Variants in CDYL observed in about 807,000 individuals in gnomAD.
CDYL encodes the protein chromodomain Y-like protein.
A neutral mutation model predicts 47.3 loss-of-function variants in CDYL; 8 were observed. The ratio of observed to expected loss-of-function variants is 0.17; its 90% CI spans 0.10 to 0.31. The LOEUF (loss-of-function observed/expected upper bound fraction) is 0.31, where lower values mean the gene tolerates loss of function less well. Ranked by LOEUF, CDYL falls within the 10% of genes least tolerant of loss-of-function variation. The pLI is 1.00. For synonymous variants in CDYL, 266 were observed against 265.0 expected (o/e 1.00, Z -0.04); for missense variants, 471 against 701.4 (o/e 0.67, Z 3.71).
intron 1 of CDYL, among the ~76,000 whole-genome samples, chr6:4,804,596 C>T (rs1759318226): frequency 6.6e-6 from 1 of 152,182 alleles, no homozygotes; most frequent in Non-Finnish European, 1.5e-5. Context: ...GCTCATCACT[C>T]TCGCCCCACT....
At chr6:4,775,337 C>T (rs1186947955), upstream of CDYL, 1 of 152,444 alleles carries the variant, frequency 6.6e-6, no homozygotes, top group Non-Finnish European at 1.5e-5. This position sits in a 1 kb window ranked among gnomAD's most constrained non-coding sequence, Gnocchi z 7.0. Flanking sequence ...CTTCTTTCGC[C>T]ACCGATGGGG....
intron 2 of CDYL, among the ~76,000 whole-genome samples, chr6:4,728,107 C>A (rs140072569): frequency 5.3e-5 from 8 of 152,318 alleles, no homozygotes; most frequent in African/African-American, 1.9e-4. Context: ...TTTAAGGACT[C>A]TTTCTTCAAC....
intron 1 of CDYL, among the ~76,000 whole-genome samples, chr6:4,824,303 G>GT (rs1759920809): frequency 6.6e-6 from 1 of 152,142 alleles, no homozygotes; most frequent in Non-Finnish European, 1.5e-5. Context: ...GTAATTCGAT[G>GT]TTTAACTTTT....
chr6:4,720,938 C>T (rs1757357692), intron 2 of CDYL, among the ~76,000 whole-genome samples: 1 of 152,110 alleles, frequency 6.6e-6, no homozygotes, highest in Non-Finnish European at 1.5e-5. Context: ...GAACTCTATT[C>T]CAACTATTAC....
chr6:4,936,557 C>T (rs1758198539), intron 3 of CDYL, among the ~76,000 whole-genome samples: 1 of 152,032 alleles, frequency 6.6e-6, no homozygotes, highest in Admixed American at 6.6e-5. Flanking sequence ...CTGCAGAGTC[C>T]CTTCATTGAT....
chr6:4,708,990 G>A (rs1757097163), intron 1 of CDYL, among the ~76,000 whole-genome samples: 1 of 152,108 alleles, frequency 6.6e-6, no homozygotes, highest in South Asian at 2.1e-4. Flanking sequence ...CTGGGTGACA[G>A]AGTGGGACCC....
intron 3 of CDYL, among the ~76,000 whole-genome samples, chr6:4,744,627 G>A (rs1757856206): frequency 6.6e-6 from 1 of 152,212 alleles, no homozygotes. Flanking sequence ...GCCAGGCAGT[G>A]TACTAAATTC....
At chr6:4,764,856 C>T (rs551709759) in intron 3 of CDYL, among the ~76,000 whole-genome samples, 3 of 145,046 alleles carry the variant, frequency 2.1e-5, no homozygotes, top group Non-Finnish European at 4.5e-5. Context: ...AAATTAAACA[C>T]ACACACATAT....
At chr6:4,723,043 T>C (rs1329108372) in intron 2 of CDYL, among the ~76,000 whole-genome samples, 2 of 152,154 alleles carry the variant, frequency 1.3e-5, no homozygotes, top group African/African-American at 2.4e-5. Context: ...GTGTATAAAG[T>C]ACAGGCAGCC....
chr6:4,722,061 G>C (rs1311170498), intron 2 of CDYL, among the ~76,000 whole-genome samples: 1 of 152,032 alleles, frequency 6.6e-6, no homozygotes, highest in Non-Finnish European at 1.5e-5. Flanking sequence ...CATCATGTTG[G>C]TCAGGCTGGT....
In CDYL at chr6:4,939,099, G is replaced by A. The variant is rs144120108; in HGVS notation, c.1121+1362G>A. On this transcript the variant is annotated intron_variant, in intron 4 of 6. Coordinates refer to ENST00000397588, the MANE Select transcript of CDYL (RefSeq NM_004824.4). ...CAGAGGATGAAAAATGAAAGAAAAC[G>A]TAGACTGGCAAAATGGCAGTAAAGT... 8.1e-4 allele frequency among the ~76,000 whole-genome samples: 124 copies of A among 152,246 alleles called. 2 individuals carry two copies. Among genetic ancestry groups the A allele is most frequent in the African/African-American group, 2.8e-3 (116 of 41,538 alleles).
chr6:4,916,491 A>T (rs1267433670), intron 2 of CDYL, among the ~76,000 whole-genome samples: 1 of 152,254 alleles, frequency 6.6e-6, no homozygotes, highest in Admixed American at 6.5e-5. Flanking sequence ...TGTCACAACC[A>T]CTGAGAACAG....
intron 2 of CDYL, among the ~76,000 whole-genome samples, chr6:4,899,624 G>A (rs917309691): frequency 6.6e-6 from 1 of 152,158 alleles, no homozygotes; most frequent in East Asian, 1.9e-4. Context: ...TTCCTGGTAC[G>A]GGAAAGTGGG....
rs376957253 is a variant in CDYL, at chr6:4,857,036, A to G, written c.25-34677A>G. Among the ~76,000 whole-genome samples, 4 of 152,208 alleles carry G rather than the reference A, an allele frequency of 2.6e-5. No individual in the cohort carries two copies. The East Asian group carries it at 5.8e-4, about 22-fold the overall frequency. ...GAGAAGCCAACTTAAGAGAAAGGCA[A>G]CTTGCCTTCATCTTTCAGTGGTCAT... On this transcript the variant is annotated intron_variant, in intron 1 of 6. Transcript: ENST00000397588.
At chr6:4,722,661 G>T (rs537042655) in intron 2 of CDYL, among the ~76,000 whole-genome samples, 1 of 152,192 alleles carries the variant, frequency 6.6e-6, no homozygotes, top group South Asian at 2.1e-4. Flanking sequence ...TAGATGGCTT[G>T]AGGCCAGGAG....
At chr6:4,904,003 C>G (rs970163093) in intron 2 of CDYL, among the ~76,000 whole-genome samples, 1 of 152,144 alleles carries the variant, frequency 6.6e-6, no homozygotes, top group Non-Finnish European at 1.5e-5. Flanking sequence ...GAGCTCAGAG[C>G]CTGGCAGAAT....
At chr6:4,829,959 A>G (rs1313703157) in intron 1 of CDYL, among the ~76,000 whole-genome samples, 5 of 152,244 alleles carry the variant, frequency 3.3e-5, no homozygotes, top group African/African-American at 9.6e-5. Flanking sequence ...TCTTGATTCA[A>G]TGTTCACTTG....
At position 4,871,596 on chromosome 6, in the gene CDYL, C is replaced by T. The variant is rs115415576; in HGVS notation, c.25-20117C>T. Among the ~76,000 whole-genome samples the T allele has an allele frequency of 7.6e-3, 1,162 of 152,250 alleles. 19 individuals carry two copies. The highest frequency in any genetic ancestry group is 0.027 in the African/African-American group (1,106 of 41,538). Reference sequence around the variant, plus strand: ...AGGGTCTCAGCATTGCAGCCTCTCACGTGGCAGACCTACAAGCTAGTGTCA... The same window carrying T: ...AGGGTCTCAGCATTGCAGCCTCTCATGTGGCAGACCTACAAGCTAGTGTCA... On this transcript the variant is annotated intron_variant, in intron 1 of 6. Coordinates refer to ENST00000397588, the MANE Select transcript of CDYL (RefSeq NM_004824.4).
chr6:4,773,685 C>T (rs867155681), upstream of CDYL, among the ~76,000 whole-genome samples: 12 of 152,120 alleles, frequency 7.9e-5, no homozygotes, highest in Middle Eastern at 6.3e-3. This position sits in a 1 kb window ranked among gnomAD's most constrained non-coding sequence, Gnocchi z 4.6. Context: ...ATTTCTCAGT[C>T]GCTAGGTGGA....
Sources: allele counts gnomAD v4.1 joint callset (sites outside exome capture counted in the v4.1 genomes callset), GRCh38; gene constraint gnomAD v4.1.1; non-coding constraint Gnocchi (gnomAD v3.1); transcripts MANE v1.5; gene names NCBI Gene and HGNC (gene_info 2026-07-23, HGNC 2026-07-21).